CPA6: variants seen among roughly 807,000 people sequenced by gnomAD.
CPA6 encodes the protein carboxypeptidase A6, also known as carboxypeptidase B.
A neutral mutation model predicts 63.3 loss-of-function variants in CPA6; 58 were observed. The ratio of observed to expected loss-of-function variants is 0.92; its 90% confidence interval spans 0.74 to 1.14. The LOEUF (loss-of-function observed/expected upper bound fraction) is 1.14. Among genes scored for constraint, CPA6 ranks in the 50% most tolerant of loss-of-function variants. The pLI, the probability that CPA6 is intolerant of heterozygous loss-of-function variation, is 0.00. For missense variants in CPA6, 565 were observed against 526.6 expected, an observed-to-expected ratio of 1.07 and a Z score of -0.71; for synonymous variants, 185 against 179.0, an observed-to-expected ratio of 1.03 and a Z score of -0.27.
At chr8:67,720,698 G>A (rs1817480013) in intron 1 of CPA6, among the ~76,000 whole-genome samples, 1 of 152,170 alleles carries the variant, frequency 6.6e-6, no homozygotes, top group South Asian at 2.1e-4. Context: ...AAACGGATAG[G>A]CCCTTGGGTA....
chr8:67,725,639 G>C (rs956120014), intron 1 of CPA6, among the ~76,000 whole-genome samples: 2 of 152,100 alleles, frequency 1.3e-5, no homozygotes, highest in African/African-American at 4.8e-5. Context: ...TCTCACCTCT[G>C]CCTCTAGAGT....
At chr8:67,576,616 A>G (rs1813632953) in intron 2 of CPA6, among the ~76,000 whole-genome samples, 1 of 152,274 alleles carries the variant, frequency 6.6e-6, no homozygotes, top group South Asian at 2.1e-4. Flanking sequence ...GATGGTGATG[A>G]GAAACAAATC....
intron 2 of CPA6, among the ~76,000 whole-genome samples, chr8:67,589,600 T>C: frequency 6.6e-6 from 1 of 152,322 alleles, no homozygotes; most frequent in South Asian, 2.1e-4. Context: ...ATCATTTTTA[T>C]GTGGTGTATG....
chr8:67,426,713 C>T (rs1486455812), intron 10 of CPA6, among the ~76,000 whole-genome samples: 1 of 152,210 alleles, frequency 6.6e-6, no homozygotes, highest in African/African-American at 2.4e-5. Flanking sequence ...GAAGCATAAT[C>T]AGATGTCACT....
At chr8:67,565,508 A>T (rs931427271) in intron 2 of CPA6, among the ~76,000 whole-genome samples, 1 of 152,158 alleles carries the variant, frequency 6.6e-6, no homozygotes, top group East Asian at 1.9e-4. Context: ...AGCACCTTGC[A>T]CTGTCTGAGG....
intron 1 of CPA6, among the ~76,000 whole-genome samples, chr8:67,655,225 G>A (rs1815956576): frequency 6.6e-6 from 1 of 152,044 alleles, no homozygotes; most frequent in Non-Finnish European, 1.5e-5. Context: ...TAAAAAGACA[G>A]TACCAACATG....
At chr8:67,739,503 G>A (rs1817873744) in intron 1 of CPA6, among the ~76,000 whole-genome samples, 1 of 152,196 alleles carries the variant, frequency 6.6e-6, no homozygotes, top group Non-Finnish European at 1.5e-5. Context: ...CATGTCCTTT[G>A]TAGTTCCTAA....
chr8:67,557,824 G>A (rs556227763), intron 2 of CPA6, among the ~76,000 whole-genome samples: 11 of 152,280 alleles, frequency 7.2e-5, no homozygotes, highest in African/African-American at 2.2e-4. Context: ...GGAGAAACTA[G>A]CCTTCTAGTC....
In CPA6 at chr8:67,697,446, C is replaced by G. The variant is rs192255003; in HGVS notation, c.116+48568G>C. Among the ~76,000 whole-genome samples, 228 of 152,294 alleles carry G rather than the reference C, an allele frequency of 1.5e-3. 3 individuals carry two copies. Among genetic ancestry groups the G allele is most frequent in the Admixed American group, 0.015 (223 of 15,298 alleles). The stretch of plus-strand genomic sequence containing the variant: ...AAGGAGGCCATCTGACTTCTTTAAG[C>G]TTGGGTTTCTTAAACTCTGAAAGTG... On this transcript the variant is annotated intron_variant, in intron 1 of 10. Coordinates refer to ENST00000297770, the MANE Select transcript of CPA6 (RefSeq NM_020361.5).
chr8:67,629,365 C>T (rs1815266848), intron 1 of CPA6, among the ~76,000 whole-genome samples: 1 of 151,236 alleles, frequency 6.6e-6, no homozygotes, highest in African/African-American at 2.4e-5. Context: ...CATATAGTCC[C>T]AGCTACCTGG....
At chr8:67,644,243 C>A (rs1256277655) in intron 1 of CPA6, among the ~76,000 whole-genome samples, 1 of 152,208 alleles carries the variant, frequency 6.6e-6, no homozygotes, top group East Asian at 1.9e-4. Flanking sequence ...CTCAGCCTCC[C>A]GAGCAGCTGG....
intron 2 of CPA6, among the ~76,000 whole-genome samples, chr8:67,591,019 G>A (rs1367140299): frequency 6.6e-6 from 1 of 151,812 alleles, no homozygotes; most frequent in Non-Finnish European, 1.5e-5. Flanking sequence ...ATGGTTTTAG[G>A]TCTAACATTT....
chr8:67,433,839 G>A (rs1810082522), intron 9 of CPA6, among the ~76,000 whole-genome samples, 199 bp downstream of exon 9: 1 of 152,170 alleles, frequency 6.6e-6, no homozygotes, highest in Admixed American at 6.5e-5. Flanking sequence ...TCAGCTTCTA[G>A]CTTCTTTACC....
At chr8:67,467,128 T>G (rs1199411958) in intron 8 of CPA6, among the ~76,000 whole-genome samples, 2 of 152,204 alleles carry the variant, frequency 1.3e-5, no homozygotes, top group African/African-American at 2.4e-5. Context: ...GACATTATGG[T>G]CAGCATCTTT....
At chr8:67,598,230 A>G (rs754175865) in intron 2 of CPA6, among the ~76,000 whole-genome samples, 5 of 152,202 alleles carry the variant, frequency 3.3e-5, no homozygotes, top group Non-Finnish European at 7.3e-5. Context: ...AAGTAGCTAT[A>G]AACTTTGGAT....
At chr8:67,513,470 C>T (rs1812082977) in intron 3 of CPA6, among the ~76,000 whole-genome samples, 1 of 152,018 alleles carries the variant, frequency 6.6e-6, no homozygotes, top group African/African-American at 2.4e-5. Context: ...TTTCTCCTGG[C>T]TACTTTTTTC....
At chr8:67,626,686 C>T (rs1169640203) in intron 1 of CPA6, among the ~76,000 whole-genome samples, 3 of 152,110 alleles carry the variant, frequency 2.0e-5, no homozygotes, top group Non-Finnish European at 4.4e-5. Context: ...ATACCCTGGC[C>T]TTTCTCATCT....
chr8:67,740,208 C>T (rs984484238), intron 1 of CPA6, among the ~76,000 whole-genome samples: 1 of 152,188 alleles, frequency 6.6e-6, no homozygotes, highest in Admixed American at 6.5e-5. Context: ...TCCCTGGCAA[C>T]CCCAGGCCAG....
intron 2 of CPA6, among the ~76,000 whole-genome samples, chr8:67,595,276 G>A (rs866342852): frequency 1.3e-5 from 2 of 152,322 alleles, no homozygotes; most frequent in African/African-American, 4.8e-5. Flanking sequence ...CGTGTGAGGT[G>A]TCAGTCTGCC....
Sources: allele counts gnomAD v4.1 joint callset (sites outside exome capture counted in the v4.1 genomes callset), GRCh38; gene constraint gnomAD v4.1.1; transcripts MANE v1.5; gene names NCBI Gene and HGNC (gene_info 2026-07-23, HGNC 2026-07-21).